GRB14: variants seen among roughly 807,000 people sequenced by gnomAD.
GRB14 encodes growth factor receptor-bound protein 14.
A neutral mutation model predicts 69.1 loss-of-function variants in GRB14; 38 were observed. That is an observed-to-expected ratio of 0.55 (90% CI 0.42 to 0.72). GRB14 has a LOEUF of 0.72. Ranked by LOEUF, GRB14 falls within the 30% of genes least tolerant of loss-of-function variation. The pLI is 0.00. For synonymous variants in GRB14, 247 were observed against 241.3 expected (o/e 1.02, Z -0.22); for missense variants, 666 against 666.1 (o/e 1.00, Z 0.00).
chr2:164,568,217 T>G (rs1689031268), intron 2 of GRB14: 1 of 601,998 alleles, frequency 1.7e-6, no homozygotes, highest in Non-Finnish European at 2.5e-6. Flanking sequence ...TTCAAGGGTA[T>G]GTAAGTAAAG....
At chr2:164,569,548 C>A (rs1206639703) in intron 2 of GRB14, among the ~76,000 whole-genome samples, 2 of 152,118 alleles carry the variant, frequency 1.3e-5, no homozygotes, top group Non-Finnish European at 2.9e-5. Context: ...AGTAACAAGG[C>A]AAAATGGAAG....
At chr2:164,611,635 T>C (rs1306624414) in intron 2 of GRB14, among the ~76,000 whole-genome samples, 1 of 151,168 alleles carries the variant, frequency 6.6e-6, no homozygotes, top group Non-Finnish European at 1.5e-5. Context: ...AGATGCTTGG[T>C]CCTGTACTTT....
intron 2 of GRB14, among the ~76,000 whole-genome samples, chr2:164,619,014 C>T (rs757545990): frequency 3.9e-5 from 6 of 152,174 alleles, no homozygotes; most frequent in Non-Finnish European, 8.8e-5. Flanking sequence ...TCCAAATGTA[C>T]AGCCATGATG....
At chr2:164,584,049 G>A (rs1046043961) in intron 2 of GRB14, among the ~76,000 whole-genome samples, 7 of 149,110 alleles carry the variant, frequency 4.7e-5, no homozygotes, top group East Asian at 3.9e-4. Flanking sequence ...GCAGTGGCTC[G>A]ATCTCAGCTC....
intron 2 of GRB14, among the ~76,000 whole-genome samples, chr2:164,615,617 A>G (rs1242719354): frequency 1.3e-5 from 2 of 152,230 alleles, no homozygotes; most frequent in Non-Finnish European, 2.9e-5. Context: ...CTTAAACTCA[A>G]TTTACGTATC....
chr2:164,568,129 G>A (rs761853238), intron 2 of GRB14, among the ~76,000 whole-genome samples: 33 of 152,076 alleles, frequency 2.2e-4, no homozygotes, highest in Non-Finnish European at 2.8e-4. Flanking sequence ...ATGTCCTAGC[G>A]CAGTATTATT....
intron 2 of GRB14, among the ~76,000 whole-genome samples, chr2:164,563,052 T>C (rs538797407): frequency 6.6e-6 from 1 of 152,210 alleles, no homozygotes; most frequent in Non-Finnish European, 1.5e-5. Flanking sequence ...TAAAAAGCAG[T>C]AACAATGCCC....
At chr2:164,579,765 T>C (rs1304499127) in intron 2 of GRB14, among the ~76,000 whole-genome samples, 4 of 152,062 alleles carry the variant, frequency 2.6e-5, no homozygotes, top group East Asian at 1.9e-4. Context: ...GCTATACACA[T>C]GAGCATAGGT....
chr2:164,501,981 A>G (rs1475879657), intron 9 of GRB14, among the ~76,000 whole-genome samples: 2 of 151,968 alleles, frequency 1.3e-5, no homozygotes, highest in Non-Finnish European at 2.9e-5. Flanking sequence ...AGAAAGACAC[A>G]TAATTGTTTC....
intron 3 of GRB14, among the ~76,000 whole-genome samples, chr2:164,533,751 A>C (rs1688012092): frequency 6.6e-6 from 1 of 152,168 alleles, no homozygotes; most frequent in Non-Finnish European, 1.5e-5. Flanking sequence ...CTAAAGAACT[A>C]AGCAGGTTCG....
At chr2:164,619,370 T>G (rs1289042090) in intron 2 of GRB14, among the ~76,000 whole-genome samples, 1 of 152,154 alleles carries the variant, frequency 6.6e-6, no homozygotes, top group Non-Finnish European at 1.5e-5. Flanking sequence ...CTCTGCCCAA[T>G]TCCTGGCTTA....
intron 3 of GRB14, among the ~76,000 whole-genome samples, chr2:164,535,834 C>G (rs369318838): frequency 2.0e-5 from 3 of 152,184 alleles, no homozygotes; most frequent in African/African-American, 7.2e-5. Flanking sequence ...AATTGTGACA[C>G]TTCAGCTTGA....
At chr2:164,556,529 C>T (rs1312457805) in intron 2 of GRB14, among the ~76,000 whole-genome samples, 2 of 152,160 alleles carry the variant, frequency 1.3e-5, no homozygotes, top group Non-Finnish European at 2.9e-5. Flanking sequence ...ACAATCCTGT[C>T]CTCTGACTCC....
chr2:164,522,868 T>C (rs920803687), intron 5 of GRB14, among the ~76,000 whole-genome samples: 2 of 152,110 alleles, frequency 1.3e-5, no homozygotes, highest in African/African-American at 4.8e-5. Context: ...CTTTGACCCA[T>C]ACAATATGTG....
chr2:164,549,070 G>A lies in GRB14; in HGVS notation c.325-1254C>T, dbSNP rs968454027. Among the ~76,000 whole-genome samples, 38 of 151,690 alleles carry A rather than the reference G, an allele frequency of 2.5e-4. 1 individual carries two copies. The highest frequency in any genetic ancestry group is 1.9e-4 in the East Asian group (1 of 5,164). ...TTTTGTATTTTTTTTTAGTAGAGAC[G>A]GGCTTTCGCCACGTTAGTCAGGCTG... On this transcript the variant is annotated intron_variant, in intron 2 of 13. Coordinates refer to ENST00000263915, the MANE Select transcript of GRB14 (RefSeq NM_004490.3).
chr2:164,501,620 C>T (rs1687054113), intron 9 of GRB14, among the ~76,000 whole-genome samples: 4 of 152,030 alleles, frequency 2.6e-5, no homozygotes, highest in Admixed American at 2.6e-4. Flanking sequence ...ATCCAAGTTA[C>T]ATTTAGTATA....
intron 2 of GRB14, among the ~76,000 whole-genome samples, chr2:164,602,100 C>CT (rs1487806514): frequency 7.1e-6 from 1 of 141,736 alleles, no homozygotes; most frequent in Non-Finnish European, 1.5e-5. Context: ...AAACAAAACA[C>CT]TTTTTGTGTG....
chr2:164,615,112 CT>C (rs1400267682), intron 2 of GRB14, among the ~76,000 whole-genome samples: 2 of 152,216 alleles, frequency 1.3e-5, no homozygotes, highest in East Asian at 3.9e-4. Context: ...TTTATTTAAA[CT>C]GTGGAAGCAT....
At chr2:164,496,273 A>G (rs1014716516) in intron 12 of GRB14, among the ~76,000 whole-genome samples, 7 of 152,208 alleles carry the variant, frequency 4.6e-5, no homozygotes, top group African/African-American at 1.7e-4. Flanking sequence ...CATCTAAACC[A>G]CAATACAACC....
Sources: allele counts gnomAD v4.1 joint callset (sites outside exome capture counted in the v4.1 genomes callset), GRCh38; gene constraint gnomAD v4.1.1; transcripts MANE v1.5; gene names NCBI Gene and HGNC (gene_info 2026-07-23, HGNC 2026-07-21).